The following ANKRD30B variants were observed in gnomAD, a reference collection of about 807,000 sequenced individuals.
The protein encoded by ANKRD30B is ankyrin repeat domain-containing protein 30B.
Under a neutral mutation model 202.2 loss-of-function variants are expected in ANKRD30B, and 144 were observed. That is an observed-to-expected ratio of 0.71 (90% CI 0.62 to 0.82). The LOEUF is 0.82. Ranked by LOEUF, ANKRD30B falls within the 40% of genes least tolerant of loss-of-function variation. ANKRD30B has a pLI of 0.00. For missense variants in ANKRD30B, 1,487 were observed against 1,669.1 expected, an observed-to-expected ratio of 0.89 and a Z score of 1.90; for synonymous variants, 508 against 561.3, an observed-to-expected ratio of 0.91 and a Z score of 1.34.
chr18:14,798,572 C>A (rs755291991), intron 20 of ANKRD30B, among the ~76,000 whole-genome samples: 1 of 151,838 alleles, frequency 6.6e-6, no homozygotes, highest in African/African-American at 2.4e-5. Flanking sequence ...TATGCCTTAA[C>A]CCTAAAGAGG....
chr18:14,854,378 G>T lies in ANKRD30B; in HGVS notation c.*220G>T, dbSNP rs1460444181. 1.3e-5 allele frequency among the ~76,000 whole-genome samples: 2 copies of T among 152,200 alleles called. No homozygotes were observed. The highest frequency in any genetic ancestry group is 1.3e-4 in the Admixed American group (2 of 15,290). ...CACCCACCTCACAGCATAGTGCAGA[G>T]ATGTCCTGGCAGTGCTTCTGGTGTG... is the stretch of plus-strand genomic sequence containing the variant. On this transcript the variant is annotated 3_prime_UTR_variant, in exon 44 of 44. Coordinates refer to ENST00000690538, the MANE Select transcript of ANKRD30B (RefSeq NM_001367607.2).
the ANKRD30B span, among the ~76,000 whole-genome samples, chr18:14,868,520 G>T: frequency 3.3e-5 from 5 of 152,400 alleles, no homozygotes; most frequent in African/African-American, 9.6e-5. Context: ...AAGATAAAGG[G>T]TGCTTTCTTG....
the ANKRD30B span, among the ~76,000 whole-genome samples, chr18:14,879,989 A>T: frequency 6.6e-6 from 1 of 152,024 alleles, no homozygotes; most frequent in African/African-American, 2.4e-5. Flanking sequence ...ATCCAGTGTT[A>T]TCTTGTAGAA....
the ANKRD30B span, chr18:14,906,021 G>A: frequency 2.0e-5 from 3 of 152,056 alleles, no homozygotes; most frequent in Admixed American, 2.0e-4. Flanking sequence ...CATTCATTCG[G>A]TCTGTTAGAG....
At position 14,770,795 on chromosome 18, in the gene ANKRD30B, C is replaced by A. The variant is rs186237405; in HGVS notation, c.1257-1361C>A. Among the ~76,000 whole-genome samples, 3 of 151,014 alleles carry A rather than the reference C, an allele frequency of 2.0e-5. No homozygotes were observed. The East Asian group carries it at 5.8e-4, about 29-fold the overall frequency. ...TTGTTTAATTGGAGGAATGGGCAAA[C>A]TTCAAGCTTTCTATTGAAAGATAAA... On this transcript the variant is annotated intron_variant, in intron 8 of 43. Transcript: ENST00000690538.
chr18:14,935,432 G>C, the ANKRD30B span, among the ~76,000 whole-genome samples: 1 of 152,206 alleles, frequency 6.6e-6, no homozygotes, highest in South Asian at 2.1e-4. Context: ...CAGTGATTCA[G>C]GTAAAAATCA....
chr18:14,867,104 G>T, the ANKRD30B span, among the ~76,000 whole-genome samples: 5 of 139,052 alleles, frequency 3.6e-5, no homozygotes, highest in Non-Finnish European at 7.8e-5. Flanking sequence ...CAGATTGGGG[G>T]CGCTATCTGG....
chr18:14,753,733 G>A (rs1057088142), intron 3 of ANKRD30B, among the ~76,000 whole-genome samples: 3 of 152,012 alleles, frequency 2.0e-5, no homozygotes, highest in Non-Finnish European at 4.4e-5. Context: ...TTATTAGAAT[G>A]CCTTTAAGCC....
the ANKRD30B span, among the ~76,000 whole-genome samples, chr18:14,879,144 A>G: frequency 6.6e-6 from 1 of 152,194 alleles, no homozygotes; most frequent in South Asian, 2.1e-4. Flanking sequence ...GCTTTGGGAC[A>G]ACTCGGGGCC....
chr18:14,879,660 AAG>A, the ANKRD30B span, among the ~76,000 whole-genome samples: 1 of 151,636 alleles, frequency 6.6e-6, no homozygotes, highest in African/African-American at 2.4e-5. Flanking sequence ...GTTAGGGGTT[AAG>A]AGAGGTTAGT....
At chr18:14,810,852 G>A (rs577192222) in intron 28 of ANKRD30B, among the ~76,000 whole-genome samples, 8 of 151,356 alleles carry the variant, frequency 5.3e-5, no homozygotes, top group Non-Finnish European at 1.2e-4. Flanking sequence ...GGTGGCACAT[G>A]CCTGTAATCC....
chr18:14,915,984 G>A, the ANKRD30B span, among the ~76,000 whole-genome samples: 8 of 152,346 alleles, frequency 5.3e-5, no homozygotes, highest in African/African-American at 1.7e-4. Context: ...AACGTGTGAA[G>A]GTTATCTGCA....
At chr18:14,765,133 T>C (rs1403696945) in intron 7 of ANKRD30B, among the ~76,000 whole-genome samples, 1 of 152,156 alleles carries the variant, frequency 6.6e-6, no homozygotes, top group African/African-American at 2.4e-5. Context: ...AAGGCAGAGA[T>C]TGGCAAACTT....
At chr18:14,904,821 G>A in the ANKRD30B span, among the ~76,000 whole-genome samples, 1 of 152,202 alleles carries the variant, frequency 6.6e-6, no homozygotes, top group Non-Finnish European at 1.5e-5. Context: ...ATCAATACAT[G>A]TGTCAGAGGC....
intron 1 of ANKRD30B, 35 bp from the exon 2 acceptor site, chr18:14,752,531 C>T (rs760965175): frequency 3.5e-5 from 53 of 1,528,942 alleles, no homozygotes; most frequent in Non-Finnish European, 4.8e-5. Flanking sequence ...AGACAGTGGG[C>T]TATACTTTGC....
At chr18:14,786,981 T>C in intron 14 of ANKRD30B, 58 bp from the exon 15 acceptor site, 1 of 1,528,900 alleles carries the variant, frequency 6.5e-7, no homozygotes, top group South Asian at 1.2e-5. Flanking sequence ...GTGTATGTTT[T>C]TAAAATTTAT....
the ANKRD30B span, among the ~76,000 whole-genome samples, chr18:14,860,352 T>TG: frequency 4.9e-5 from 2 of 40,794 alleles, no homozygotes; most frequent in Non-Finnish European, 5.1e-5. Context: ...CAGACAGGGC[T>TG]GCCGGGCAGA....
the ANKRD30B span, among the ~76,000 whole-genome samples, chr18:14,925,045 T>C: frequency 6.6e-6 from 1 of 152,232 alleles, no homozygotes; most frequent in African/African-American, 2.4e-5. Context: ...TGGCCTGGTA[T>C]GTAGCCCATG....
chr18:14,791,435 A>G lies in ANKRD30B; in HGVS notation c.1769A>G (p.Tyr590Cys), dbSNP rs1438596093. ...PCETVSQKDV[Y>C]LPKATHQKEF... is the part of the protein sequence containing the mutation. The stretch of plus-strand genomic sequence containing the variant: ...GAGACGGTTTCACAGAAGGATGTGT[A>G]TTTACCCAAAGCTACACATCAAAAA... The change falls in exon 16 of 44, where the codon TAT becomes TGT. Residue 590 changes from tyrosine to cysteine, a missense_variant. Transcript: ENST00000690538. 1 of 1,611,490 alleles carries G rather than the reference A, an allele frequency of 6.2e-7. No individual in the cohort carries two copies. Among genetic ancestry groups the G allele is most frequent in the Non-Finnish European group, 8.5e-7 (1 of 1,179,038 alleles).
Sources: allele counts gnomAD v4.1 joint callset (sites outside exome capture counted in the v4.1 genomes callset), GRCh38; gene constraint gnomAD v4.1.1; transcripts MANE v1.5; gene names NCBI Gene and HGNC (gene_info 2026-07-23, HGNC 2026-07-21).